The following SGMS1 variants were observed in gnomAD, a reference collection of about 807,000 sequenced individuals.
SGMS1 encodes phosphatidylcholine:ceramide cholinephosphotransferase 1.
Under a neutral mutation model 46.2 loss-of-function variants are expected in SGMS1, and 13 were observed. The observed-to-expected ratio is 0.28, with a 90% CI of 0.18 to 0.45. The LOEUF (loss-of-function observed/expected upper bound fraction) is 0.45. Ranked by LOEUF, SGMS1 falls within the 20% of genes least tolerant of loss-of-function variation. The probability of loss-of-function intolerance (pLI) is 1.00; values close to 1 mark genes in which losing one functional copy is unlikely to be tolerated. For synonymous variants in SGMS1, 203 were observed against 187.8 expected, an observed-to-expected ratio of 1.08 and a Z score of -0.66; for missense variants, 324 against 519.9, an observed-to-expected ratio of 0.62 and a Z score of 3.66.
intron 3 of SGMS1, among the ~76,000 whole-genome samples, chr10:50,516,501 A>G (rs554693163): frequency 1.3e-5 from 2 of 152,212 alleles, no homozygotes; most frequent in Non-Finnish European, 2.9e-5. Flanking sequence ...TTGGTGCTGA[A>G]TAAGTACTCT....
chr10:50,326,580 C>T (rs1589386199), intron 8 of SGMS1, among the ~76,000 whole-genome samples: 1 of 152,198 alleles, frequency 6.6e-6, no homozygotes, highest in South Asian at 2.1e-4. Flanking sequence ...AATTATTTCA[C>T]AGAGTTCCAA....
At chr10:50,346,978 T>C (rs950936277) in intron 6 of SGMS1, among the ~76,000 whole-genome samples, 6 of 152,178 alleles carry the variant, frequency 3.9e-5, no homozygotes, top group Admixed American at 3.9e-4. Flanking sequence ...CCAATCTTAC[T>C]CTGAGAGTCC....
intron 5 of SGMS1, among the ~76,000 whole-genome samples, chr10:50,441,779 A>G (rs1407775115): frequency 6.6e-6 from 1 of 152,240 alleles, no homozygotes; most frequent in African/African-American, 2.4e-5. Flanking sequence ...ATTCCTTAGC[A>G]GTAGTCTCAT....
At chr10:50,544,316 G>A (rs1229154033) in intron 2 of SGMS1, among the ~76,000 whole-genome samples, 1 of 152,154 alleles carries the variant, frequency 6.6e-6, no homozygotes, top group Admixed American at 6.5e-5. Context: ...GAGACACGGA[G>A]GATATGAACC....
intron 3 of SGMS1, among the ~76,000 whole-genome samples, chr10:50,478,924 C>T (rs1837452304): frequency 6.6e-6 from 1 of 151,900 alleles, no homozygotes; most frequent in Admixed American, 6.6e-5. Context: ...GTACAGGAAC[C>T]ACCTTGATCA....
intron 2 of SGMS1, among the ~76,000 whole-genome samples, chr10:50,539,595 G>A (rs1172263444): frequency 1.3e-5 from 2 of 152,100 alleles, no homozygotes; most frequent in Non-Finnish European, 2.9e-5. Context: ...AGTTTTCTGG[G>A]CCTCTCAAAT....
intron 8 of SGMS1, among the ~76,000 whole-genome samples, chr10:50,321,405 T>C (rs779514608): frequency 2.6e-5 from 4 of 152,204 alleles, no homozygotes; most frequent in Non-Finnish European, 5.9e-5. Flanking sequence ...ACATCTCTTT[T>C]TAAGTGACAG....
At chr10:50,624,538 C>A, upstream of SGMS1, 1 of 966,284 alleles carries the variant, frequency 1.0e-6, no homozygotes, top group Non-Finnish European at 1.2e-6. Flanking sequence ...GACGGAGGCG[C>A]AAGAGCTCTA....
At chr10:50,363,585 G>A (rs1848289011) in intron 6 of SGMS1, among the ~76,000 whole-genome samples, 1 of 152,172 alleles carries the variant, frequency 6.6e-6, no homozygotes, top group African/African-American at 2.4e-5. Flanking sequence ...ATTAAACACA[G>A]TTGAAAGCAG....
chr10:50,406,400 AG>A (rs1422934582), intron 6 of SGMS1, among the ~76,000 whole-genome samples: 1 of 152,168 alleles, frequency 6.6e-6, no homozygotes, highest in Non-Finnish European at 1.5e-5. Flanking sequence ...GCCCATGAAT[AG>A]CTTTCCCTGG....
intron 2 of SGMS1, among the ~76,000 whole-genome samples, chr10:50,581,701 A>G (rs1398005698): frequency 6.6e-6 from 1 of 152,214 alleles, no homozygotes; most frequent in Non-Finnish European, 1.5e-5. Context: ...TAGAATAAGT[A>G]GCTAATCCCT....
intron 3 of SGMS1, among the ~76,000 whole-genome samples, chr10:50,512,531 C>T (rs185695919): frequency 5.9e-5 from 9 of 152,230 alleles, no homozygotes; most frequent in African/African-American, 1.9e-4. Context: ...TCTGGAGTCC[C>T]TCTGTGCACA....
In SGMS1 at chr10:50,582,798, C is replaced by T. The variant is rs1234818517; in HGVS notation, c.-589+7355G>A. Among the ~76,000 whole-genome samples the T allele has an allele frequency of 5.3e-5, 8 of 152,330 alleles. No homozygotes were observed. In the East Asian group the frequency reaches 1.5e-3, roughly 29 times the overall value. ...TTTAATCCAGGCCTACTTTCTAGTG[C>T]TTTTTCCCTCTCTGCTTCCTTGATT... On this transcript the variant is annotated intron_variant, in intron 2 of 10. Coordinates refer to ENST00000361781, the MANE Select transcript of SGMS1 (RefSeq NM_147156.4).
chr10:50,551,961 C>T (rs145653647), intron 2 of SGMS1, among the ~76,000 whole-genome samples: 25 of 152,276 alleles, frequency 1.6e-4, no homozygotes, highest in African/African-American at 6.0e-4. Flanking sequence ...TGTAAAAGCT[C>T]AGATTTTTTA....
At chr10:50,599,226 A>T (rs1838625539) in intron 1 of SGMS1, among the ~76,000 whole-genome samples, 1 of 152,232 alleles carries the variant, frequency 6.6e-6, no homozygotes, top group South Asian at 2.1e-4. Flanking sequence ...AGTAACAAAA[A>T]AACAGTAACA....
chr10:50,555,294 T>C (rs572391288), intron 2 of SGMS1, among the ~76,000 whole-genome samples: 1 of 152,362 alleles, frequency 6.6e-6, no homozygotes, highest in South Asian at 2.1e-4. Flanking sequence ...AGTAACTCAA[T>C]TAAAATATTA....
At chr10:50,550,015 T>A (rs978435661) in intron 2 of SGMS1, among the ~76,000 whole-genome samples, 2 of 152,198 alleles carry the variant, frequency 1.3e-5, no homozygotes, top group Non-Finnish European at 1.5e-5. Context: ...ATTTTGAAAT[T>A]GACTGGAGAC....
chr10:50,383,226 T>C (rs978338122), intron 6 of SGMS1, among the ~76,000 whole-genome samples: 2 of 152,196 alleles, frequency 1.3e-5, no homozygotes, highest in African/African-American at 2.4e-5. Flanking sequence ...TCTAATGATA[T>C]CACATAGAAG....
intron 5 of SGMS1, among the ~76,000 whole-genome samples, chr10:50,453,819 G>A (rs1209636263): frequency 2.8e-5 from 1 of 35,494 alleles, no homozygotes; most frequent in Non-Finnish European, 7.2e-5. Context: ...GAGGGAGGAA[G>A]GGAGGGAGGG....
Sources: allele counts gnomAD v4.1 joint callset (sites outside exome capture counted in the v4.1 genomes callset), GRCh38; gene constraint gnomAD v4.1.1; transcripts MANE v1.5; gene names NCBI Gene and HGNC (gene_info 2026-07-23, HGNC 2026-07-21).